Variants in TRIP12 observed in about 807,000 individuals in gnomAD.
The protein encoded by TRIP12 is E3 ubiquitin-protein ligase TRIP12.
Under a neutral mutation model 244.2 loss-of-function variants are expected in TRIP12, and 25 were observed. The observed-to-expected ratio is 0.10, with a 90% confidence interval of 0.07 to 0.14. TRIP12 has a LOEUF of 0.14. Among genes scored for constraint, TRIP12 ranks in the 10% least tolerant of loss-of-function variants. TRIP12 has a pLI of 1.00. For synonymous variants in TRIP12, 905 were observed against 873.1 expected (o/e 1.04, Z -0.64); for missense variants, 1,677 against 2,486.4 (o/e 0.67, Z 6.92).
At chr2:229,868,765 C>A (rs2062001579) in intron 2 of TRIP12, among the ~76,000 whole-genome samples, 1 of 152,214 alleles carries the variant, frequency 6.6e-6, no homozygotes, top group Non-Finnish European at 1.5e-5. Context: ...CTAAGTTTCA[C>A]TAAGTAGGCT....
At position 229,791,172 on chromosome 2, in the gene TRIP12, T is replaced by C. The variant is rs772040189; in HGVS notation, c.4495A>G (p.Thr1499Ala). 5.6e-6 allele frequency: 9 copies of C among 1,614,068 alleles called. No individual in the cohort carries two copies. Among genetic ancestry groups the C allele is most frequent in the South Asian group, 2.2e-5 (2 of 91,092 alleles). Residue 1499 changes from threonine to alanine, a missense_variant, in exon 30 of 42, where the codon ACG becomes GCG. By Grantham distance (58) the Thr-to-Ala change is moderately conservative. Transcript: ENST00000675903. The part of the protein sequence containing the change: ...GKRGRAQTAP[T>A]KTSPRNAKKH... ...TTTGCATTTCTAGGGGAAGTTTTCG[T>C]TGGAGCTGTTTGGGCTCTTCCTCTT...
At chr2:229,843,068 C>G (rs796634456) in intron 4 of TRIP12, among the ~76,000 whole-genome samples, 17 of 129,674 alleles carry the variant, frequency 1.3e-4, no homozygotes, top group African/African-American at 4.1e-4. Context: ...CTCTCTCCCC[C>G]ACTCCTTCCC....
In TRIP12 at chr2:229,785,738, C is replaced by T; in HGVS notation, c.5094+19G>A. The T allele has an allele frequency of 6.2e-7, 1 of 1,608,298 alleles. No homozygotes were observed. Among genetic ancestry groups the T allele is most frequent in the Non-Finnish European group, 8.5e-7 (1 of 1,176,560 alleles). On this transcript the variant is annotated intron_variant, in intron 34 of 41. Coordinates refer to ENST00000675903, the MANE Select transcript of TRIP12 (RefSeq NM_001348323.3). ...AGCACAAGTCAAGCTAAATAACCAT[C>T]ACCAGACTCCAAGCTCACCTCATTT...
intron 8 of TRIP12, among the ~76,000 whole-genome samples, chr2:229,821,827 C>T (rs189185255): frequency 6.8e-4 from 104 of 152,176 alleles, no homozygotes; most frequent in Admixed American, 9.2e-4. Flanking sequence ...AGACAGGTAC[C>T]GAGTTCTGGA....
intron 2 of TRIP12, among the ~76,000 whole-genome samples, chr2:229,869,698 G>T (rs1373479536): frequency 2.0e-5 from 3 of 152,140 alleles, no homozygotes; most frequent in Non-Finnish European, 4.4e-5. Context: ...TACTGATGTT[G>T]TATTAAGGCA....
Position 229,826,490 on chromosome 2 carries a change from T to TTTTTTAA in TRIP12, c.1450+2702_1450+2703insTTAAAAA, listed in dbSNP as rs961437064. 4.3e-3 allele frequency among the ~76,000 whole-genome samples: 658 copies of TTTTTTAA among 152,322 alleles called. 6 individuals carry two copies. The highest frequency in any genetic ancestry group is 0.014 in the African/African-American group (592 of 41,564). On this transcript the variant is annotated intron_variant, in intron 8 of 41. Transcript: ENST00000675903. ...TATTTTTTAAGTGTGATAAAGTGAC[T>TTTTTTAA]GTGTGTTTTGAGGAGCATTATCTTG...
At chr2:229,910,610 T>A (rs1047462856) in intron 1 of TRIP12, among the ~76,000 whole-genome samples, 12 of 151,834 alleles carry the variant, frequency 7.9e-5, no homozygotes, top group African/African-American at 2.9e-4. Context: ...CTGGAAAAAA[T>A]GTCATGGCCT....
rs2031886843 is a variant in TRIP12 at position 229,766,756 on chromosome 2, T to C, written c.*798A>G. ...CTTCATAAAAGAAACAAATGAGCTTTCCTTGTCTCATTCCAGAGGCTGTTG... is the reference window on the plus strand; with the variant it reads ...CTTCATAAAAGAAACAAATGAGCTTCCCTTGTCTCATTCCAGAGGCTGTTG... On this transcript the variant is annotated 3_prime_UTR_variant, in exon 42 of 42. Transcript: ENST00000675903. The C allele has an allele frequency of 6.6e-6, 1 of 152,228 alleles. No homozygotes were observed. Among genetic ancestry groups the C allele is most frequent in the Non-Finnish European group, 1.5e-5 (1 of 68,048 alleles). The allele number at this position is 152,228 out of a possible 1,614,324, so 9.4% of individuals were successfully genotyped here. A position where few individuals can be genotyped will look rare whatever the true frequency, so the allele number is the denominator to read the frequency against.
At chr2:229,862,248 G>T (rs1052152655) in intron 2 of TRIP12, among the ~76,000 whole-genome samples, 1 of 152,094 alleles carries the variant, frequency 6.6e-6, no homozygotes, top group South Asian at 2.1e-4. Flanking sequence ...TTTAACCAAT[G>T]AGTTTATTAG....
chr2:229,895,432 T>C (rs2068542386), intron 1 of TRIP12, among the ~76,000 whole-genome samples: 1 of 151,772 alleles, frequency 6.6e-6, no homozygotes, highest in South Asian at 2.1e-4. Context: ...ATTTAGTGGC[T>C]GAGAATTTTC....
At chr2:229,854,390 C>T (rs1218482940) in intron 4 of TRIP12, among the ~76,000 whole-genome samples, 5 of 152,224 alleles carry the variant, frequency 3.3e-5, no homozygotes, top group Admixed American at 3.3e-4. Context: ...TCTCAAAATG[C>T]TCCTTTGAAT....
At chr2:229,847,588 C>T (rs1029930993) in intron 4 of TRIP12, among the ~76,000 whole-genome samples, 2 of 152,126 alleles carry the variant, frequency 1.3e-5, no homozygotes, top group South Asian at 4.1e-4. Flanking sequence ...ACCAGAAATG[C>T]CGGGGCTAAA....
intron 13 of TRIP12, among the ~76,000 whole-genome samples, chr2:229,811,987 T>C (rs2047359048): frequency 6.6e-6 from 1 of 152,222 alleles, no homozygotes; most frequent in Non-Finnish European, 1.5e-5. Context: ...CTCTAATTCT[T>C]TTATCTTATT....
chr2:229,913,516 C>G (rs1191181638), intron 1 of TRIP12, among the ~76,000 whole-genome samples: 1 of 152,154 alleles, frequency 6.6e-6, no homozygotes, highest in East Asian at 1.9e-4. Context: ...TCTCCAAATG[C>G]TAAATTTGGG....
intron 37 of TRIP12, among the ~76,000 whole-genome samples, chr2:229,776,246 C>G (rs2036215130): frequency 6.6e-6 from 1 of 152,080 alleles, no homozygotes; most frequent in Non-Finnish European, 1.5e-5. Context: ...AACAGAGCCT[C>G]CTGTTTTACT....
intron 21 of TRIP12, among the ~76,000 whole-genome samples, chr2:229,800,709 C>A (rs1231213431): frequency 6.6e-6 from 1 of 152,076 alleles, no homozygotes; most frequent in Admixed American, 6.5e-5. Context: ...CTTTCTTTGG[C>A]ATAATCAACT....
At chr2:229,865,908 T>C (rs1037727691) in intron 2 of TRIP12, among the ~76,000 whole-genome samples, 2 of 152,168 alleles carry the variant, frequency 1.3e-5, no homozygotes, top group Non-Finnish European at 1.5e-5. Context: ...ACTGAAACAC[T>C]AGCCCAAATG....
intron 1 of TRIP12, among the ~76,000 whole-genome samples, chr2:229,911,105 T>C (rs1481181474): frequency 1.3e-5 from 2 of 152,180 alleles, no homozygotes; most frequent in Non-Finnish European, 2.9e-5. Flanking sequence ...TGGGTGGCTG[T>C]TTTACAGAAA....
chr2:229,893,453 T>C (rs1277802410), intron 1 of TRIP12, among the ~76,000 whole-genome samples: 1 of 151,558 alleles, frequency 6.6e-6, no homozygotes, highest in East Asian at 1.9e-4. Context: ...CCCCAATCAG[T>C]CCCTGCACTT....
Sources: gnomAD v4.1 joint callset for allele counts (sites outside exome capture counted in the v4.1 genomes callset) on GRCh38, gnomAD v4.1.1 for gene constraint, MANE v1.5 for transcripts, NCBI Gene and HGNC (gene_info 2026-07-23, HGNC 2026-07-21) for gene names.